The following HFM1 variants were observed in gnomAD, a reference collection of about 807,000 sequenced individuals.
The protein encoded by HFM1 is helicase for meiosis 1, also known as probable ATP-dependent DNA helicase HFM1.
A neutral mutation model predicts 192.1 loss-of-function variants in HFM1; 169 were observed. The observed-to-expected ratio is 0.88, with a 90% confidence interval of 0.78 to 1.00. The LOEUF (loss-of-function observed/expected upper bound fraction) is 1.00, where lower values mean the gene tolerates loss of function less well. Ranked by LOEUF, HFM1 falls within the 50% of genes least tolerant of loss-of-function variation. HFM1 has a pLI of 0.00. For synonymous variants in HFM1, 525 were observed against 537.8 expected (o/e 0.98, Z 0.33); for missense variants, 1,661 against 1,668.0 (o/e 1.00, Z 0.07).
At chr1:91,327,873 C>T (rs926805599) in intron 20 of HFM1, among the ~76,000 whole-genome samples, 4 of 151,994 alleles carry the variant, frequency 2.6e-5, no homozygotes, top group Non-Finnish European at 4.4e-5. Context: ...ATGACCAGCG[C>T]GTCAATGAAT....
intron 30 of HFM1, among the ~76,000 whole-genome samples, chr1:91,283,260 C>T (rs2100839075): frequency 6.6e-6 from 1 of 152,224 alleles, no homozygotes; most frequent in Non-Finnish European, 1.5e-5. Context: ...CTGTACTCTT[C>T]TGAGAAAAAG....
rs185446364 is a variant in HFM1, at chr1:91,296,659, C to T, written c.3391+16690G>A. 9.7e-4 allele frequency among the ~76,000 whole-genome samples: 148 copies of T among 152,198 alleles called. 1 individual carries two copies. The highest frequency in any genetic ancestry group is 3.3e-3 in the African/African-American group (136 of 41,502). On this transcript the variant is annotated intron_variant, in intron 30 of 38. Coordinates refer to ENST00000370425, the MANE Select transcript of HFM1 (RefSeq NM_001017975.6). ...ATATTAAACTTTTCAGTTCTTGAAA[C>T]GGTATCTTAATTAAGTATGTTTTCC...
chr1:91,338,824 C>T (rs530335818), intron 20 of HFM1, among the ~76,000 whole-genome samples: 5 of 152,270 alleles, frequency 3.3e-5, no homozygotes, highest in African/African-American at 1.2e-4. Flanking sequence ...ATACCCAGAC[C>T]TCACCATGCT....
chr1:91,371,622 C>T (rs1050641904), intron 13 of HFM1, among the ~76,000 whole-genome samples: 288 of 134,030 alleles, frequency 2.1e-3, no homozygotes, highest in African/African-American at 8.1e-3. Context: ...AATGTTAGAC[C>T]TAAAACCATA....
intron 13 of HFM1, among the ~76,000 whole-genome samples, chr1:91,371,839 C>A (rs1433819798): frequency 1.3e-5 from 2 of 152,168 alleles, no homozygotes; most frequent in East Asian, 3.8e-4. Flanking sequence ...ATCTACTCAT[C>A]TGACAAAGGG....
intron 1 of HFM1, among the ~76,000 whole-genome samples, chr1:91,402,192 GTC>G (rs1393149169): frequency 6.6e-6 from 1 of 152,142 alleles, no homozygotes; most frequent in African/African-American, 2.4e-5. Flanking sequence ...GTCAGATTAT[GTC>G]TCTCCAATTT....
In HFM1 at chr1:91,327,872, G is replaced by A. The variant is rs147783641; in HGVS notation, c.2336-3106C>T. ...AACAACAGGCTCCTAAATGACCAGC[G>A]CGTCAATGAATAAATTCAGATGAAA... On this transcript the variant is annotated intron_variant, in intron 20 of 38. Coordinates refer to ENST00000370425, the MANE Select transcript of HFM1 (RefSeq NM_001017975.6). Among the ~76,000 whole-genome samples, 178 of 152,258 alleles carry A rather than the reference G, an allele frequency of 1.2e-3. 4 individuals are homozygous for A. The East Asian group carries it at 0.027, about 23-fold the overall frequency.
At chr1:91,387,978 A>T (rs1228608675) in intron 4 of HFM1, among the ~76,000 whole-genome samples, 4 of 151,984 alleles carry the variant, frequency 2.6e-5, no homozygotes, top group Admixed American at 6.6e-5. Flanking sequence ...AAAAAAAAGA[A>T]ATAGAACCTC....
Position 91,315,854 on chromosome 1 carries a change from C to T in HFM1, c.3101G>A (p.Gly1034Asp). ...SDSHYVTLII[G>D]DADNQVVYLH... ...ATAAACTACTTGATTATCTGCGTCACCTATGATTAAGGTAACATAGTGAGA... is the reference window on the plus strand; with the variant it reads ...ATAAACTACTTGATTATCTGCGTCATCTATGATTAAGGTAACATAGTGAGA... The change falls in exon 28 of 39, where the codon GGT (glycine) becomes GAT (aspartate). Residue 1034 changes from glycine to aspartate, a missense_variant. Physicochemically the swap from Gly to Asp is moderately conservative, Grantham distance 94. Transcript: ENST00000370425. The T allele has an allele frequency of 6.2e-7, 1 of 1,610,752 alleles. No homozygotes were observed. The highest frequency in any genetic ancestry group is 8.5e-7 in the Non-Finnish European group (1 of 1,178,104).
chr1:91,263,412 T>C (rs1665356782), intron 36 of HFM1, among the ~76,000 whole-genome samples: 2 of 151,948 alleles, frequency 1.3e-5, no homozygotes, highest in South Asian at 2.1e-4. Context: ...TAAATATATA[T>C]ACATGGCAAG....
chr1:91,334,382 T>C (rs1402801185), intron 20 of HFM1, among the ~76,000 whole-genome samples: 4 of 152,200 alleles, frequency 2.6e-5, no homozygotes, highest in Admixed American at 2.6e-4. Flanking sequence ...ATTTAATGTG[T>C]TACCTATTTT....
chr1:91,294,980 T>C (rs935992223), intron 30 of HFM1, among the ~76,000 whole-genome samples: 6 of 152,226 alleles, frequency 3.9e-5, no homozygotes, highest in African/African-American at 1.4e-4. Flanking sequence ...CAATCTATAA[T>C]CACATTAGTG....
chr1:91,299,130 GT>G (rs1251324358), intron 30 of HFM1, among the ~76,000 whole-genome samples: 1 of 152,112 alleles, frequency 6.6e-6, no homozygotes, highest in Admixed American at 6.6e-5. Context: ...AAAGGCAGGG[GT>G]TGCAATCCTA....
chr1:91,273,865 T>C, intron 33 of HFM1, 50 bp from the exon 34 acceptor site: 1 of 994,834 alleles, frequency 1.0e-6, no homozygotes, highest in Non-Finnish European at 1.5e-6. Flanking sequence ...TGGAAATTAA[T>C]CTAAGCCTGA....
intron 13 of HFM1, among the ~76,000 whole-genome samples, chr1:91,373,989 A>T (rs1419693739): frequency 2.0e-5 from 3 of 152,194 alleles, no homozygotes; most frequent in Non-Finnish European, 4.4e-5. Context: ...TTATAATTAT[A>T]GTAAGTGCTA....
At chr1:91,300,610 G>C (rs935334625) in intron 30 of HFM1, among the ~76,000 whole-genome samples, 2 of 152,074 alleles carry the variant, frequency 1.3e-5, no homozygotes, top group Admixed American at 1.3e-4. Flanking sequence ...TTCATCCCTG[G>C]GATGCAAGGC....
chr1:91,406,320 A>C (rs1054245149), upstream of HFM1, among the ~76,000 whole-genome samples: 2 of 152,202 alleles, frequency 1.3e-5, no homozygotes, highest in African/African-American at 4.8e-5. Context: ...TGAGTGATAG[A>C]ATTGTAGAAT....
chr1:91,272,270 G>T (rs557503576), intron 34 of HFM1, among the ~76,000 whole-genome samples: 1 of 151,910 alleles, frequency 6.6e-6, no homozygotes, highest in African/African-American at 2.4e-5. Context: ...AGACAAAGTG[G>T]TTAAGTAGAT....
In HFM1 at chr1:91,343,497, CT is replaced by C; in HGVS notation, c.2267del (p.Lys756ArgfsTer3). 1 of 1,381,782 alleles carries C rather than the reference CT, an allele frequency of 7.2e-7. No homozygotes were observed. Among genetic ancestry groups the C allele is most frequent in the Non-Finnish European group, 1.0e-6 (1 of 1,001,414 alleles). The allele number at this position is 1,381,782 out of a possible 1,614,324, so 85.6% of individuals were successfully genotyped here. ...IEAKLQELCLKNLNDLSSLDL... is the reference protein window; with the variant it reads ...IEAKLQELCLXNLNDLSSLDL... ...CCAGGGATGATAAATCATTCAGATTCTTCAAACATAATTCTGTTTAATTATA... is the reference window on the plus strand; with the variant it reads ...CCAGGGATGATAAATCATTCAGATTCTCAAACATAATTCTGTTTAATTATA... On this transcript the variant is annotated frameshift_variant, in exon 20 of 39. Coordinates refer to ENST00000370425, the MANE Select transcript of HFM1 (RefSeq NM_001017975.6). LOFTEE classifies it high-confidence loss of function.
Sources: allele counts gnomAD v4.1 joint callset (sites outside exome capture counted in the v4.1 genomes callset), GRCh38; gene constraint gnomAD v4.1.1; transcripts MANE v1.5; gene names NCBI Gene and HGNC (gene_info 2026-07-23, HGNC 2026-07-21).